Variants in GP6 observed in about 807,000 individuals in gnomAD.
GP6 encodes the protein platelet glycoprotein VI.
In GP6, 45 loss-of-function variants were observed where a neutral mutation model predicts 37.3. The ratio of observed to expected loss-of-function variants is 1.21; its 90% CI spans 0.95 to 1.55. The LOEUF (loss-of-function observed/expected upper bound fraction) is 1.55. GP6 is among the 40% of genes most tolerant of loss of function. The pLI, the probability that GP6 is intolerant of heterozygous loss-of-function variation, is 0.00. For synonymous variants in GP6, 340 were observed against 316.4 expected, an observed-to-expected ratio of 1.07 and a Z score of -0.79; for missense variants, 813 against 760.2, an observed-to-expected ratio of 1.07 and a Z score of -0.82.
chr19:55,033,082 G>T (rs1467113305), intron 1 of GP6, among the ~76,000 whole-genome samples: 1 of 32,494 alleles, frequency 3.1e-5, no homozygotes, highest in Non-Finnish European at 7.0e-5. Flanking sequence ...CGTTCGTGTT[G>T]TGTTAGACAC....
At chr19:55,036,398 T>C (rs2074831664) in intron 1 of GP6, among the ~76,000 whole-genome samples, 1 of 152,042 alleles carries the variant, frequency 6.6e-6, no homozygotes, top group African/African-American at 2.4e-5. Flanking sequence ...CAAAAGCTAC[T>C]GAAGCAACAA....
At chr19:55,025,157 A>G in intron 5 of GP6, 61 bp downstream of exon 5, 1 of 843,690 alleles carries the variant, frequency 1.2e-6, no homozygotes. Context: ...CAGAGAGGAG[A>G]GAGAGAAGGG....
rs774769403 is a variant in GP6, at chr19:55,014,258, C to A, written c.1687G>T (p.Gly563Cys). 14 of 1,089,992 alleles carry A rather than the reference C, an allele frequency of 1.3e-5. No individual in the cohort carries two copies. Among genetic ancestry groups the A allele is most frequent in the Non-Finnish European group, 1.7e-5 (12 of 713,552 alleles). The allele number at this position is 1,089,992 out of a possible 1,614,324, so 67.5% of individuals were successfully genotyped here. A position where few individuals can be genotyped will look rare whatever the true frequency, so the allele number is the denominator to read the frequency against. The stretch of plus-strand genomic sequence containing the variant: ...TGCTGGGAGTATAGGGATGCACCAC[C>A]ACACCTGGCTAATTTTTGTGTTTTT... The change falls in exon 8 of 8, where the codon GGT (glycine) becomes TGT (cysteine). Residue 563 changes from glycine to cysteine, a missense_variant. Gly to Cys is a radical substitution (Grantham distance 159). Transcript: ENST00000310373.
At chr19:55,019,480 A>G (rs2073997540) in intron 5 of GP6, among the ~76,000 whole-genome samples, 1 of 151,758 alleles carries the variant, frequency 6.6e-6, no homozygotes, top group Admixed American at 6.6e-5. Flanking sequence ...CCTCACCAAT[A>G]CTTCTTGTCC....
intron 5 of GP6, among the ~76,000 whole-genome samples, chr19:55,024,901 GGTTGGTTA>G (rs1336437332): frequency 6.6e-5 from 10 of 150,862 alleles, no homozygotes; most frequent in African/African-American, 2.5e-4. Context: ...TTGGTTGGTT[GGTTGGTTA>G]GTTTGTTTGT....
intron 3 of GP6, among the ~76,000 whole-genome samples, chr19:55,030,071 TAA>T (rs1403269033): frequency 1.3e-5 from 2 of 152,218 alleles, no homozygotes; most frequent in African/African-American, 4.8e-5. Flanking sequence ...AGTAGGTCGT[TAA>T]AACTCACATT....
At chr19:55,032,559 C>G (rs140247854) in intron 1 of GP6, 21 bp from the exon 2 acceptor site, 1 of 1,613,134 alleles carries the variant, frequency 6.2e-7, no homozygotes, top group African/African-American at 1.3e-5. Context: ...AAGAAAGGGA[C>G]CAGATGCCAG....
At position 55,013,820 on chromosome 19, in the gene GP6, T is replaced by C. The variant is rs2073734595; in HGVS notation, c.*262A>G. 1 of 334,996 alleles carries C rather than the reference T, an allele frequency of 3.0e-6. No homozygotes were observed. The highest frequency in any genetic ancestry group is 5.9e-6 in the Non-Finnish European group (1 of 170,616). The allele number at this position is 334,996 out of a possible 1,614,324, so 20.8% of individuals were successfully genotyped here. A position where few individuals can be genotyped will look rare whatever the true frequency, so the allele number is the denominator to read the frequency against. ...ATCCTCCTGCCTTGGCCTCCCACAG[T>C]GCTAGGATTACAGACATGATCCACT... On this transcript the variant is annotated 3_prime_UTR_variant, in exon 8 of 8. Transcript: ENST00000310373.
chr19:55,038,086 C>T lies in GP6; in HGVS notation c.34+117G>A. On this transcript the variant is annotated intron_variant, in intron 1 of 7. Transcript: ENST00000310373. ...TCCCCACCCAACAAATGAAGGGGCTCTTACAGGTTCCTTTTTGTCCTGAAA... is the reference window on the plus strand; with the variant it reads ...TCCCCACCCAACAAATGAAGGGGCTTTTACAGGTTCCTTTTTGTCCTGAAA... The T allele has an allele frequency of 9.5e-6, 8 of 845,456 alleles. 1 individual carries two copies. In the South Asian group the frequency reaches 1.0e-4, roughly 11 times the overall value. The allele number at this position is 845,456 out of a possible 1,614,324, so 52.4% of individuals were successfully genotyped here.
In GP6 at chr19:55,018,640, C is replaced by T; in HGVS notation, c.724+12G>A. ...CTCCTTTCTGCTGAGCATGAAATGCCTGGTTACTCACCAGTTGTGAAGACT... is the reference window on the plus strand; with the variant it reads ...CTCCTTTCTGCTGAGCATGAAATGCTTGGTTACTCACCAGTTGTGAAGACT... On this transcript the variant is annotated intron_variant, in intron 6 of 7. Transcript: ENST00000310373. 1 of 1,499,240 alleles carries T rather than the reference C, an allele frequency of 6.7e-7. No homozygotes were observed. The highest frequency in any genetic ancestry group is 9.3e-7 in the Non-Finnish European group (1 of 1,074,716). 92.9% of individuals were successfully genotyped at this position (1,499,240 alleles called of 1,614,324 possible).
Position 55,032,250 on chromosome 19 carries a change from C to T in GP6, c.214G>A (p.Val72Ile). The T allele has an allele frequency of 6.2e-7, 1 of 1,614,186 alleles. No individual in the cohort carries two copies. Among genetic ancestry groups the T allele is most frequent in the South Asian group, 1.1e-5 (1 of 91,086 alleles). The stretch of plus-strand genomic sequence containing the variant: ...CTCTTCATGGCCGGGATGAAGAGGA[C>T]TGCCTGATCCTGGTACCTGCTGGAA... Residue 72 changes from valine (V) to isoleucine (I), a missense_variant, in exon 3 of 8, where the codon GTC (valine) becomes ATC (isoleucine). Transcript: ENST00000310373.
chr19:55,027,462 T>A (rs1282514829), intron 4 of GP6, 116 bp downstream of exon 4: 4 of 745,460 alleles, frequency 5.4e-6, no homozygotes, highest in African/African-American at 5.2e-5. Context: ...GCCCCGCCCC[T>A]GCAGCCCAGG....
rs529407071 is a variant in GP6 at position 55,026,090 on chromosome 19, G to A, written c.611-819C>T. ...TAACAAGGAAATGCATGCAGCTCCCGTCCACCTTTTTCAACCTCAGTTCTA... is the reference window on the plus strand; with the variant it reads ...TAACAAGGAAATGCATGCAGCTCCCATCCACCTTTTTCAACCTCAGTTCTA... On this transcript the variant is annotated intron_variant, in intron 4 of 7. Transcript: ENST00000310373. 5.3e-5 allele frequency among the ~76,000 whole-genome samples: 8 copies of A among 151,402 alleles called. No individual in the cohort carries two copies. In the East Asian group the frequency reaches 5.8e-4, roughly 11 times the overall value.
At chr19:55,016,536 C>T (rs2073883962) in intron 6 of GP6, among the ~76,000 whole-genome samples, 1 of 151,798 alleles carries the variant, frequency 6.6e-6, no homozygotes, top group Non-Finnish European at 1.5e-5. Flanking sequence ...CCACCACGCC[C>T]AGCTAAGTTT....
chr19:55,023,598 C>T (rs1171634866), intron 5 of GP6, among the ~76,000 whole-genome samples: 1 of 152,194 alleles, frequency 6.6e-6, no homozygotes, highest in Non-Finnish European at 1.5e-5. Flanking sequence ...CTGTAAGCTT[C>T]CTGAGGCCTC....
intron 5 of GP6, among the ~76,000 whole-genome samples, chr19:55,023,493 A>C (rs1443348182): frequency 1.3e-5 from 2 of 152,112 alleles, no homozygotes; most frequent in Admixed American, 1.3e-4. Flanking sequence ...TGGCTATTGC[A>C]AAGTGTGGCA....
intron 7 of GP6, 61 bp downstream of exon 7, chr19:55,015,622 G>A: frequency 1.0e-6 from 1 of 1,003,604 alleles, no homozygotes; most frequent in South Asian, 1.3e-5. Context: ...AGACAAAGGA[G>A]TTGGCTTTGG....
At chr19:55,034,745 A>AC (rs71181729) in intron 1 of GP6, among the ~76,000 whole-genome samples, 2 of 151,254 alleles carry the variant, frequency 1.3e-5, no homozygotes, top group African/African-American at 4.9e-5. Flanking sequence ...ACACACACAC[A>AC]AAGGCGGGAT....
At chr19:55,018,252 T>A (rs1451855800) in intron 6 of GP6, among the ~76,000 whole-genome samples, 6 of 152,182 alleles carry the variant, frequency 3.9e-5, no homozygotes, top group African/African-American at 1.4e-4. Flanking sequence ...TGCAGAGGCC[T>A]GGAGCGGTTA....
Sources: allele counts gnomAD v4.1 joint callset (sites outside exome capture counted in the v4.1 genomes callset), GRCh38; gene constraint gnomAD v4.1.1; transcripts MANE v1.5; gene names NCBI Gene and HGNC (gene_info 2026-07-23, HGNC 2026-07-21).